Variants in ACBD5 observed in about 807,000 individuals in gnomAD.
The protein encoded by ACBD5 is acyl-CoA binding domain containing 5.
A neutral mutation model predicts 71.8 loss-of-function variants in ACBD5; 40 were observed. The observed-to-expected ratio is 0.56, with a 90% CI of 0.43 to 0.72. The LOEUF is 0.72. ACBD5 is among the 30% of genes least tolerant of loss of function. The pLI is 0.00. For missense variants in ACBD5, 559 were observed against 644.5 expected (o/e 0.87, Z 1.44); for synonymous variants, 229 against 218.6 (o/e 1.05, Z -0.42).
In ACBD5 at chr10:27,225,021, ACT is replaced by A. The variant is rs2062830206; in HGVS notation, c.376-1571_376-1570del. Among the ~76,000 whole-genome samples the A allele has an allele frequency of 3.3e-5, 5 of 149,944 alleles. No homozygotes were observed. The South Asian group carries it at 1.1e-3, about 32-fold the overall frequency. On this transcript the variant is annotated intron_variant, in intron 4 of 12. Coordinates refer to ENST00000396271, the MANE Select transcript of ACBD5 (RefSeq NM_145698.5). ...ATTCCAGCCTGGGCAACAAAGTGAT[ACT>A]CTGTTTCCAAAAAAAAAGATACCAG... is the stretch of plus-strand genomic sequence containing the variant.
At chr10:27,185,618 CAAAAAAAAA>C (rs34847161) in intron 13 of ACBD5, among the ~76,000 whole-genome samples, 4 of 98,554 alleles carry the variant, frequency 4.1e-5, no homozygotes, top group East Asian at 3.0e-4. Context: ...AGGTGACAGA[CAAAAAAAAA>C]AAAAAAAAAA....
intron 5 of ACBD5, among the ~76,000 whole-genome samples, chr10:27,221,909 C>A (rs1245693345): frequency 7.7e-5 from 7 of 91,354 alleles, no homozygotes; most frequent in Non-Finnish European, 1.4e-4. Context: ...CAGAGGAAGA[C>A]TCCATCTCAA....
intron 8 of ACBD5, 76 bp downstream of exon 8, chr10:27,215,459 G>C: frequency 2.2e-6 from 2 of 903,724 alleles, no homozygotes; most frequent in South Asian, 2.8e-5. Context: ...ATGTATATTT[G>C]CTACTAACAG....
chr10:27,235,298 G>T, intron 2 of ACBD5, 86 bp from the exon 3 acceptor site: 1 of 1,462,318 alleles, frequency 6.8e-7, no homozygotes. Context: ...TACTAATAGT[G>T]ATTTTATATT....
upstream of ACBD5, chr10:27,240,822 C>T: frequency 1.5e-6 from 2 of 1,363,858 alleles, no homozygotes; most frequent in South Asian, 2.5e-5. This position sits in a 1 kb window ranked among gnomAD's most constrained non-coding sequence, Gnocchi z 4.1. Context: ...TCCCCACAGC[C>T]CCGCCCCAGA....
chr10:27,219,829 T>C lies in ACBD5; in HGVS notation c.519A>G (p.Pro173=), dbSNP rs10764690. ...CTTTACCATTAACGGTTTTGGCGTT[T>C]GGAGTAGAAGTGAGAACATTACCAA... ...SDLGNVLTST[P]NAKTVNGKAE... Residue 173 remains proline, a synonymous_variant, in exon 6 of 13, where the codon CCA becomes CCG. Coordinates refer to ENST00000396271, the MANE Select transcript of ACBD5 (RefSeq NM_145698.5). The C allele has an allele frequency of 0.49, 784,216 of 1,613,318 alleles. 197,802 individuals are homozygous for C. The highest frequency in any genetic ancestry group is 0.53 in the Non-Finnish European group (619,275 of 1,179,536).
upstream of ACBD5, among the ~76,000 whole-genome samples, chr10:27,241,562 T>C (rs2065495967): frequency 6.6e-6 from 1 of 152,028 alleles, no homozygotes; most frequent in East Asian, 1.9e-4. Flanking sequence ...CAGCGGGATT[T>C]AATAGGAGAC....
chr10:27,216,291 C>T (rs2061621548), intron 7 of ACBD5, among the ~76,000 whole-genome samples: 1 of 152,168 alleles, frequency 6.6e-6, no homozygotes, highest in African/African-American at 2.4e-5. Context: ...AGGTGCACAC[C>T]ACCAAGCCCA....
Position 27,219,848 on chromosome 10 carries a change from T to C in ACBD5, c.500A>G (p.Asn167Ser). Residue 167 changes from asparagine (N) to serine (S), a missense_variant, in exon 6 of 13, where the codon AAT becomes AGT. Transcript: ENST00000396271. ...RSSDITSDLG[N>S]VLTSTPNAKT... ...GGCGTTTGGAGTAGAAGTGAGAACATTACCAAGATCTAAAACATGAAATGA... is the reference window on the plus strand; with the variant it reads ...GGCGTTTGGAGTAGAAGTGAGAACACTACCAAGATCTAAAACATGAAATGA... 1.2e-6 allele frequency: 2 copies of C among 1,613,892 alleles called. No individual in the cohort carries two copies. Among genetic ancestry groups the C allele is most frequent in the Non-Finnish European group, 1.7e-6 (2 of 1,179,898 alleles).
upstream of ACBD5, among the ~76,000 whole-genome samples, chr10:27,241,838 C>T (rs1021352796): frequency 6.6e-6 from 1 of 152,150 alleles, no homozygotes; most frequent in Non-Finnish European, 1.5e-5. Flanking sequence ...AGCGCAACCC[C>T]CTGCGTCCTT....
At chr10:27,186,144 G>T (rs2058730733) in intron 13 of ACBD5, among the ~76,000 whole-genome samples, 1 of 152,158 alleles carries the variant, frequency 6.6e-6, no homozygotes. Context: ...CATTCATTCT[G>T]TCATTAAACA....
At chr10:27,216,418 G>A (rs2061636189) in intron 7 of ACBD5, among the ~76,000 whole-genome samples, 1 of 152,190 alleles carries the variant, frequency 6.6e-6, no homozygotes, top group Non-Finnish European at 1.5e-5. Flanking sequence ...TGGGATTACA[G>A]GCATGAATCA....
At chr10:27,216,193 T>C (rs112121647) in intron 7 of ACBD5, among the ~76,000 whole-genome samples, 2 of 151,396 alleles carry the variant, frequency 1.3e-5, no homozygotes, top group East Asian at 4.0e-4. Context: ...CAGGCTGGAG[T>C]GCAGTGGTGT....
intron 2 of ACBD5, among the ~76,000 whole-genome samples, chr10:27,238,283 G>T (rs1214657258): frequency 6.6e-6 from 1 of 152,172 alleles, no homozygotes; most frequent in Non-Finnish European, 1.5e-5. Context: ...GGCCGATAGG[G>T]TATGTTAACT....
chr10:27,197,052 T>C lies in ACBD5; in HGVS notation c.*378A>G, dbSNP rs1274392245. 4 of 447,938 alleles carry C rather than the reference T, an allele frequency of 8.9e-6. No homozygotes were observed. The highest frequency in any genetic ancestry group is 3.4e-5 in the South Asian group (2 of 59,498). The allele number at this position is 447,938 out of a possible 1,614,324, so 27.7% of individuals were successfully genotyped here. A position where few individuals can be genotyped will look rare whatever the true frequency, so the allele number is the denominator to read the frequency against. On this transcript the variant is annotated 3_prime_UTR_variant, in exon 13 of 13. Transcript: ENST00000396271. ...TTAGAAAATTAAAAATAATAACTTA[T>C]AAATTTGATCTCATTATCACAATGG...
chr10:27,235,058 T>G (rs1344442149), intron 3 of ACBD5, 34 bp downstream of exon 3: 3 of 1,601,492 alleles, frequency 1.9e-6, no homozygotes, highest in Non-Finnish European at 2.6e-6. Context: ...TCATTAAAAT[T>G]TAAATTCTTG....
At chr10:27,195,179 C>A, downstream of ACBD5, 1 of 352,876 alleles carries the variant, frequency 2.8e-6, no homozygotes, top group Non-Finnish European at 5.5e-6. Flanking sequence ...CTTACCTAAT[C>A]AATGGGCTAA....
intron 4 of ACBD5, among the ~76,000 whole-genome samples, chr10:27,224,136 G>C (rs1430871494): frequency 6.6e-6 from 1 of 150,640 alleles, no homozygotes. Context: ...GCCAAAGCAG[G>C]AGGAGGATGG....
chr10:27,215,446 A>G, intron 8 of ACBD5, 89 bp downstream of exon 8: 1 of 825,838 alleles, frequency 1.2e-6, no homozygotes, highest in Non-Finnish European at 2.0e-6. Context: ...AATGAAAAAT[A>G]GCATGTATAT....
Sources: allele counts gnomAD v4.1 joint callset (sites outside exome capture counted in the v4.1 genomes callset), GRCh38; gene constraint gnomAD v4.1.1; non-coding constraint Gnocchi (gnomAD v3.1); transcripts MANE v1.5; gene names NCBI Gene and HGNC (gene_info 2026-07-23, HGNC 2026-07-21).